Variants in TENM2 observed in about 807,000 individuals in gnomAD.
TENM2 encodes teneurin transmembrane protein 2, also known as teneurin-2.
In TENM2, 52 loss-of-function variants were observed where a neutral mutation model predicts 245.2. That is an observed-to-expected ratio of 0.21 (90% CI 0.17 to 0.27). The LOEUF is 0.27. Among genes scored for constraint, TENM2 ranks in the 10% least tolerant of loss-of-function variants. The probability of loss-of-function intolerance (pLI) is 1.00; values close to 1 mark genes in which losing one functional copy is unlikely to be tolerated. For missense variants in TENM2, 3,046 were observed against 3,666.8 expected (o/e 0.83, Z 4.37); for synonymous variants, 1,363 against 1,438.9 (o/e 0.95, Z 1.19).
intron 2 of TENM2, among the ~76,000 whole-genome samples, chr5:167,757,968 G>T (rs1009471551): frequency 6.6e-6 from 1 of 152,126 alleles, no homozygotes; most frequent in Non-Finnish European, 1.5e-5. Context: ...TTACCCTGTG[G>T]CATGGACAAA....
At chr5:167,055,674 T>A in the TENM2 span, among the ~76,000 whole-genome samples, 2 of 152,106 alleles carry the variant, frequency 1.3e-5, no homozygotes, top group Non-Finnish European at 2.9e-5. Flanking sequence ...AGTGCTAATG[T>A]AAATGATACT....
the TENM2 span, among the ~76,000 whole-genome samples, chr5:167,097,391 A>G: frequency 7.2e-5 from 11 of 152,274 alleles, no homozygotes; most frequent in South Asian, 1.9e-3. Flanking sequence ...AGCTTAATGT[A>G]GCATGCTGTT....
chr5:167,801,799 G>A (rs768049666), intron 2 of TENM2, among the ~76,000 whole-genome samples: 2 of 152,074 alleles, frequency 1.3e-5, no homozygotes, highest in Non-Finnish European at 2.9e-5. Context: ...AGAGAACTGG[G>A]TGGGGCCAAT....
At chr5:167,424,023 A>G (rs1014650442) in intron 2 of TENM2, among the ~76,000 whole-genome samples, 2 of 152,172 alleles carry the variant, frequency 1.3e-5, no homozygotes, top group African/African-American at 4.8e-5. Context: ...TAAATTGTCA[A>G]CTGAAACTAT....
chr5:167,907,205 C>G (rs924886491), intron 3 of TENM2, among the ~76,000 whole-genome samples: 5 of 151,146 alleles, frequency 3.3e-5, no homozygotes, highest in Admixed American at 2.0e-4. Flanking sequence ...GCACTCCAGC[C>G]TGTGCAAAAA....
At chr5:167,480,540 C>T (rs1369094729) in intron 2 of TENM2, among the ~76,000 whole-genome samples, 5 of 152,072 alleles carry the variant, frequency 3.3e-5, no homozygotes, top group Non-Finnish European at 7.4e-5. Flanking sequence ...CTCTAGTGCA[C>T]CAAAGTTAGT....
At chr5:167,456,860 T>C (rs534317126) in intron 2 of TENM2, among the ~76,000 whole-genome samples, 1 of 152,352 alleles carries the variant, frequency 6.6e-6, no homozygotes, top group South Asian at 2.1e-4. Flanking sequence ...TTCTCCAATA[T>C]GTGAATATCC....
At chr5:168,058,192 T>C (rs1280370345) in intron 6 of TENM2, among the ~76,000 whole-genome samples, 1 of 152,228 alleles carries the variant, frequency 6.6e-6, no homozygotes. Flanking sequence ...CTTACACATG[T>C]AGATTTTCAA....
chr5:167,946,036 T>G (rs1779595650), intron 3 of TENM2, among the ~76,000 whole-genome samples: 1 of 152,228 alleles, frequency 6.6e-6, no homozygotes, highest in East Asian at 1.9e-4. Flanking sequence ...CCACCTGCCC[T>G]GTGAAGCCAG....
chr5:167,639,168 C>T (rs1430311585), intron 2 of TENM2, among the ~76,000 whole-genome samples: 2 of 152,158 alleles, frequency 1.3e-5, no homozygotes, highest in Non-Finnish European at 1.5e-5. Context: ...ATTTGAGTTG[C>T]CCATGTTTAT....
At chr5:167,373,605 C>T (rs568099471) in intron 1 of TENM2, among the ~76,000 whole-genome samples, 1 of 152,256 alleles carries the variant, frequency 6.6e-6, no homozygotes, top group East Asian at 1.9e-4. Flanking sequence ...AATCTTAAAA[C>T]ATCTTTTAAG....
At chr5:168,223,132 TAAAG>T (rs1463178476) in intron 23 of TENM2, among the ~76,000 whole-genome samples, 6 of 152,216 alleles carry the variant, frequency 3.9e-5, no homozygotes, top group Non-Finnish European at 7.3e-5. Context: ...TCTTAAAAGT[TAAAG>T]AAAATCTGTT....
At chr5:167,688,264 G>A (rs1757206995) in intron 2 of TENM2, among the ~76,000 whole-genome samples, 2 of 152,056 alleles carry the variant, frequency 1.3e-5, no homozygotes, top group Non-Finnish European at 2.9e-5. Context: ...TTTTACTATT[G>A]CTTTATAGTC....
chr5:167,466,634 A>G (rs1396625882), intron 2 of TENM2, among the ~76,000 whole-genome samples: 1 of 152,234 alleles, frequency 6.6e-6, no homozygotes, highest in Non-Finnish European at 1.5e-5. Flanking sequence ...AAAATATAGT[A>G]AAGTTTTCAT....
chr5:167,018,378 CTTTT>C, the TENM2 span, among the ~76,000 whole-genome samples: 1 of 140,660 alleles, frequency 7.1e-6, no homozygotes, highest in Non-Finnish European at 1.6e-5. Flanking sequence ...TTCCCTGTTT[CTTTT>C]TTTTTTTTTA....
At chr5:167,057,184 A>AT in the TENM2 span, among the ~76,000 whole-genome samples, 2 of 151,580 alleles carry the variant, frequency 1.3e-5, no homozygotes, top group African/African-American at 2.4e-5. Context: ...TCTTCTTTTA[A>AT]TTTTTTTCCT....
intron 10 of TENM2, among the ~76,000 whole-genome samples, chr5:168,121,981 GA>G (rs1157521980): frequency 4.6e-5 from 7 of 152,150 alleles, no homozygotes; most frequent in Non-Finnish European, 1.0e-4. Flanking sequence ...TCAAAAGCAA[GA>G]AAGAAGTTGT....
intron 7 of TENM2, among the ~76,000 whole-genome samples, chr5:168,075,693 G>A (rs1791406043): frequency 6.6e-6 from 1 of 152,182 alleles, no homozygotes; most frequent in Admixed American, 6.5e-5. Context: ...GTTTGTATCT[G>A]TATTAGTCTG....
chr5:167,623,146 C>T (rs1036872930), intron 2 of TENM2, among the ~76,000 whole-genome samples: 1 of 152,080 alleles, frequency 6.6e-6, no homozygotes, highest in Non-Finnish European at 1.5e-5. Flanking sequence ...AATAGGGCTG[C>T]TATTTTTTGT....
Sources: allele counts gnomAD v4.1 joint callset (sites outside exome capture counted in the v4.1 genomes callset), GRCh38; gene constraint gnomAD v4.1.1; transcripts MANE v1.5; gene names NCBI Gene and HGNC (gene_info 2026-07-23, HGNC 2026-07-21).